The following CSMD1 variants were observed in gnomAD, a reference collection of about 807,000 sequenced individuals.
CSMD1 encodes CUB and Sushi multiple domains 1, also known as CUB and sushi domain-containing protein 1.
Under a neutral mutation model 417.5 loss-of-function variants are expected in CSMD1, and 213 were observed. The observed-to-expected ratio is 0.51, with a 90% confidence interval of 0.46 to 0.57. The LOEUF is 0.57. Among genes scored for constraint, CSMD1 ranks in the 20% least tolerant of loss-of-function variants. The probability of loss-of-function intolerance (pLI) is 0.00; values close to 1 mark genes in which losing one functional copy is unlikely to be tolerated. For missense variants in CSMD1, 6,923 were observed against 4,529.7 expected (o/e 1.53, Z -15.17); for synonymous variants, 2,862 against 1,736.8 (o/e 1.65, Z -16.11).
At chr8:3,205,157 G>A (rs533524836) in intron 31 of CSMD1, among the ~76,000 whole-genome samples, 1 of 152,256 alleles carries the variant, frequency 6.6e-6, no homozygotes, top group East Asian at 1.9e-4. Context: ...CATATACACA[G>A]AGTTCTGACC....
chr8:3,909,168 G>C (rs1041853868), intron 5 of CSMD1, among the ~76,000 whole-genome samples: 4 of 152,166 alleles, frequency 2.6e-5, no homozygotes, highest in African/African-American at 9.7e-5. Context: ...TGGAGACTGG[G>C]TCAGGCTGTA....
chr8:3,987,192 A>G (rs1814397224), intron 5 of CSMD1, among the ~76,000 whole-genome samples: 2 of 152,152 alleles, frequency 1.3e-5, no homozygotes, highest in African/African-American at 4.8e-5. Context: ...TTCTTACTTT[A>G]CACACACCGT....
chr8:4,508,803 T>G (rs933240598), intron 2 of CSMD1, among the ~76,000 whole-genome samples: 1 of 152,196 alleles, frequency 6.6e-6, no homozygotes, highest in African/African-American at 2.4e-5. Context: ...AGTCATAATA[T>G]GTCTACTATT....
intron 3 of CSMD1, among the ~76,000 whole-genome samples, chr8:4,133,048 G>A (rs10435672): frequency 0.44 from 66,789 of 151,780 alleles, 14,847 homozygotes; most frequent in African/African-American, 0.47. Context: ...ATTCTTTTCT[G>A]CCTCAGCCTC....
At chr8:3,450,421 A>C (rs1287143497) in intron 12 of CSMD1, among the ~76,000 whole-genome samples, 2 of 151,852 alleles carry the variant, frequency 1.3e-5, no homozygotes, top group African/African-American at 4.8e-5. Context: ...TTAACTCGTC[A>C]TTTAGCATTA....
intron 23 of CSMD1, among the ~76,000 whole-genome samples, chr8:3,321,346 T>C (rs1482189804): frequency 6.6e-6 from 1 of 152,156 alleles, no homozygotes; most frequent in Non-Finnish European, 1.5e-5. Flanking sequence ...TGTGCCGTAG[T>C]ATTGTCCAGA....
intron 2 of CSMD1, among the ~76,000 whole-genome samples, chr8:4,633,371 C>G (rs12544361): frequency 1.3e-5 from 2 of 151,552 alleles, no homozygotes; most frequent in African/African-American, 4.8e-5. Context: ...CTCACCCTCC[C>G]TAGTAGCTGG....
At chr8:4,788,048 G>C (rs1797502464) in intron 1 of CSMD1, 1 of 1,593,368 alleles carries the variant, frequency 6.3e-7, no homozygotes, top group East Asian at 2.2e-5. Flanking sequence ...AAATGGTAAA[G>C]AAAAACTTTG....
intron 2 of CSMD1, among the ~76,000 whole-genome samples, chr8:4,626,287 C>G (rs1307478569): frequency 6.6e-6 from 1 of 152,016 alleles, no homozygotes; most frequent in Non-Finnish European, 1.5e-5. Flanking sequence ...ATTGAACATA[C>G]AGCCTGTTCA....
At chr8:3,391,948 T>C (rs1276577802) in intron 17 of CSMD1, among the ~76,000 whole-genome samples, 4 of 152,028 alleles carry the variant, frequency 2.6e-5, no homozygotes, top group Non-Finnish European at 5.9e-5. Context: ...TTGATATAAA[T>C]CATTCTTGGG....
At chr8:3,118,780 T>C (rs1817017273) in intron 41 of CSMD1, among the ~76,000 whole-genome samples, 193 bp from the exon 42 acceptor site, 1 of 152,180 alleles carries the variant, frequency 6.6e-6, no homozygotes, top group Non-Finnish European at 1.5e-5. Flanking sequence ...ATCATAACCA[T>C]ATGCATTTAA....
chr8:3,613,736 CA>C (rs1357289865), intron 8 of CSMD1, among the ~76,000 whole-genome samples: 20 of 141,862 alleles, frequency 1.4e-4, no homozygotes, highest in African/African-American at 3.6e-4. Flanking sequence ...CACACACACA[CA>C]CCTCAAAAAA....
At chr8:4,521,402 T>A (rs1803437668) in intron 2 of CSMD1, among the ~76,000 whole-genome samples, 1 of 152,270 alleles carries the variant, frequency 6.6e-6, no homozygotes, top group Admixed American at 6.5e-5. Context: ...AAAACATCGA[T>A]AATAGCCTGT....
chr8:2,996,334 T>C (rs1176556745), intron 54 of CSMD1, among the ~76,000 whole-genome samples: 2 of 152,144 alleles, frequency 1.3e-5, no homozygotes, highest in Non-Finnish European at 2.9e-5. Context: ...TTTTTTAAAA[T>C]GAGAGACTAC....
intron 11 of CSMD1, among the ~76,000 whole-genome samples, chr8:3,491,738 G>A (rs1235263473): frequency 6.6e-6 from 1 of 152,202 alleles, no homozygotes; most frequent in African/African-American, 2.4e-5. Context: ...AGGGGATAAG[G>A]TGAGTATAAC....
chr8:3,773,098 G>A (rs1336869165), intron 5 of CSMD1, among the ~76,000 whole-genome samples: 1 of 152,108 alleles, frequency 6.6e-6, no homozygotes, highest in Non-Finnish European at 1.5e-5. Context: ...TCACACTCAC[G>A]AGGGCTCTGT....
chr8:3,338,859 A>C (rs1807451844), intron 23 of CSMD1, among the ~76,000 whole-genome samples: 1 of 149,112 alleles, frequency 6.7e-6, no homozygotes, highest in Non-Finnish European at 1.5e-5. Context: ...ATTAACTTTA[A>C]GTTTTAGGGT....
chr8:3,215,669 C>T (rs912774779), intron 29 of CSMD1, among the ~76,000 whole-genome samples: 2 of 152,158 alleles, frequency 1.3e-5, no homozygotes, highest in African/African-American at 4.8e-5. Context: ...TTTCAGTTAT[C>T]TTCTGGTAGC....
intron 12 of CSMD1, among the ~76,000 whole-genome samples, chr8:3,412,492 G>A (rs1000486344): frequency 3.9e-5 from 6 of 152,166 alleles, no homozygotes; most frequent in African/African-American, 1.2e-4. Context: ...ACTTCTAAGT[G>A]TCTGGGAATA....
Sources: gnomAD v4.1 joint callset for allele counts (sites outside exome capture counted in the v4.1 genomes callset) on GRCh38, gnomAD v4.1.1 for gene constraint, MANE v1.5 for transcripts, NCBI Gene and HGNC (gene_info 2026-07-23, HGNC 2026-07-21) for gene names.